The following ENG variants were observed in gnomAD, a reference collection of about 807,000 sequenced individuals.
ENG encodes CD105 antigen.
Under a neutral mutation model 71.0 loss-of-function variants are expected in ENG, and 17 were observed. The ratio of observed to expected loss-of-function variants is 0.24; its 90% CI spans 0.16 to 0.36. The LOEUF is 0.36. Ranked by LOEUF, ENG falls within the 10% of genes least tolerant of loss-of-function variation. The probability of loss-of-function intolerance (pLI) is 1.00; values close to 1 mark genes in which losing one functional copy is unlikely to be tolerated. For synonymous variants in ENG, 360 were observed against 366.9 expected (o/e 0.98, Z 0.21); for missense variants, 749 against 868.3 (o/e 0.86, Z 1.73).
intron 10 of ENG, chr9:127,819,228 C>T (rs1201571905): frequency 1.8e-5 from 6 of 324,694 alleles, no homozygotes; most frequent in African/African-American, 1.1e-4. Flanking sequence ...TGAGCCACTG[C>T]GCCCGGCCCT....
chr9:127,850,765 G>A (rs1394900922), intron 1 of ENG, among the ~76,000 whole-genome samples: 1 of 152,262 alleles, frequency 6.6e-6, no homozygotes, highest in Non-Finnish European at 1.5e-5. Flanking sequence ...GCCACGAGCC[G>A]CTGCAGCCTT....
intron 3 of ENG, chr9:127,826,914 C>G (rs1830632390): frequency 1.9e-6 from 1 of 538,508 alleles, no homozygotes; most frequent in African/African-American, 1.9e-5. Flanking sequence ...TCCACCTGTC[C>G]AAACATCACC....
At chr9:127,833,279 TG>T (rs1649933096) in intron 2 of ENG, among the ~76,000 whole-genome samples, 2 of 151,798 alleles carry the variant, frequency 1.3e-5, no homozygotes, top group African/African-American at 4.8e-5. Flanking sequence ...CCCAGCACTT[TG>T]GGAGGCTGAG....
At chr9:127,840,747 C>A (rs1831010784) in intron 2 of ENG, among the ~76,000 whole-genome samples, 1 of 152,202 alleles carries the variant, frequency 6.6e-6, no homozygotes, top group Non-Finnish European at 1.5e-5. Context: ...CTACCACCTC[C>A]TCAAATGAAC....
At chr9:127,833,949 T>C (rs1588589507) in intron 2 of ENG, among the ~76,000 whole-genome samples, 1 of 152,266 alleles carries the variant, frequency 6.6e-6, no homozygotes, top group East Asian at 1.9e-4. Flanking sequence ...TTGTTTCCTT[T>C]TTTTAGGCTC....
rs373626892 is a variant in ENG at position 127,818,940 on chromosome 9, C to CT, written c.1312-109dup. ...TGGCCCTGTGGAGTTGCCTGACTCTCTTTTTTTTTTTTTTTGAGACGGAGT... is the reference window on the plus strand; with the variant it reads ...TGGCCCTGTGGAGTTGCCTGACTCTCTTTTTTTTTTTTTTTTGAGACGGAGT... On this transcript the variant is annotated intron_variant, in intron 10 of 14. Transcript: ENST00000373203. 0.11 allele frequency: 75,170 copies of CT among 662,236 alleles called. 902 individuals are homozygous for CT. Among genetic ancestry groups the CT allele is most frequent in the African/African-American group, 0.2 (10,189 of 50,908 alleles). The allele number at this position is 662,236 out of a possible 1,614,324, so 41.0% of individuals were successfully genotyped here. A position where few individuals can be genotyped will look rare whatever the true frequency, so the allele number is the denominator to read the frequency against.
At chr9:127,837,465 T>G (rs1157189897) in intron 2 of ENG, among the ~76,000 whole-genome samples, 1 of 152,162 alleles carries the variant, frequency 6.6e-6, no homozygotes, top group African/African-American at 2.4e-5. Flanking sequence ...ACCTCCAGCC[T>G]TTCTGGTGGT....
chr9:127,837,098 T>G (rs1347615579), intron 2 of ENG, among the ~76,000 whole-genome samples: 2 of 152,188 alleles, frequency 1.3e-5, no homozygotes, highest in African/African-American at 4.8e-5. Flanking sequence ...TGGTTGGCTT[T>G]TTAATCCCTC....
chr9:127,847,732 G>A (rs1166366918), intron 1 of ENG, among the ~76,000 whole-genome samples: 3 of 152,028 alleles, frequency 2.0e-5, no homozygotes, highest in African/African-American at 7.3e-5. Context: ...TTTCAACAAG[G>A]GTCCTTCTTG....
intron 1 of ENG, among the ~76,000 whole-genome samples, chr9:127,844,006 G>T (rs1481854597): frequency 6.7e-6 from 1 of 149,842 alleles, no homozygotes; most frequent in Non-Finnish European, 1.5e-5. Context: ...CCTGGCCTCA[G>T]GTGATCTGCC....
intron 3 of ENG, among the ~76,000 whole-genome samples, chr9:127,829,051 G>C (rs1339578236): frequency 9.2e-5 from 14 of 152,070 alleles, no homozygotes; most frequent in African/African-American, 3.4e-4. Flanking sequence ...TCCTCTCTCT[G>C]GTGGATATAG....
rs41322645 is a variant in ENG at position 127,847,450 on chromosome 9, C to T, written c.68-4205G>A. Among the ~76,000 whole-genome samples, 546 of 152,068 alleles carry T rather than the reference C, an allele frequency of 3.6e-3. 2 individuals are homozygous for T. Among genetic ancestry groups the T allele is most frequent in the African/African-American group, 0.012 (518 of 41,464 alleles). On this transcript the variant is annotated intron_variant, in intron 1 of 14. Transcript: ENST00000373203. ...ATACTAGGACAGATACTTTTCTTCC[C>T]GCTGCCACCCCCCCTTTTCTTTTCT...
At position 127,843,155 on chromosome 9, in the gene ENG, C is replaced by T. The variant is rs187643086; in HGVS notation, c.158G>A (p.Cys53Tyr). 46 of 1,614,264 alleles carry T rather than the reference C, an allele frequency of 2.8e-5. No individual in the cohort carries two copies. The highest frequency in any genetic ancestry group is 5.1e-6 in the Non-Finnish European group (6 of 1,180,052). ...TYTTSQVSKG[C>Y]VAQAPNAILE... ...GATGGCATTGGGGGCCTGAGCCACG[C>T]AGCCCTTCGAGACCTGGCTAGTGGT... Residue 53 changes from cysteine to tyrosine, a missense_variant, in exon 2 of 15, where the codon TGC becomes TAC. Cys to Tyr is a radical substitution (Grantham distance 194). Transcript: ENST00000373203.
chr9:127,848,468 G>A (rs1360169155), intron 1 of ENG, among the ~76,000 whole-genome samples: 1 of 152,128 alleles, frequency 6.6e-6, no homozygotes, highest in African/African-American at 2.4e-5. Context: ...AATATTTGTG[G>A]AGAAAGAGTC....
intron 13 of ENG, 88 bp downstream of exon 13, chr9:127,817,061 T>C: frequency 6.7e-7 from 1 of 1,483,554 alleles, no homozygotes; most frequent in Non-Finnish European, 9.4e-7. Context: ...ATGTGCTATG[T>C]GCCCAGGCCG....
intron 8 of ENG, among the ~76,000 whole-genome samples, chr9:127,821,724 A>T (rs1830470174): frequency 6.6e-6 from 1 of 151,410 alleles, no homozygotes; most frequent in South Asian, 2.1e-4. Flanking sequence ...AAAAAAAAAA[A>T]TACAAAAAAT....
intron 10 of ENG, chr9:127,819,348 A>G (rs748506955): frequency 2.1e-6 from 1 of 481,486 alleles, no homozygotes; most frequent in Non-Finnish European, 3.8e-6. Flanking sequence ...TGTGGCGCAG[A>G]GTCCTTTCTT....
At chr9:127,853,337 C>T (rs902955891) in intron 1 of ENG, among the ~76,000 whole-genome samples, 4 of 152,152 alleles carry the variant, frequency 2.6e-5, no homozygotes, top group Non-Finnish European at 5.9e-5. Context: ...ATTTCTGCCC[C>T]TCTTCCCCCA....
rs539287539 is a variant in ENG, at chr9:127,849,765, C to T, written c.67+4524G>A. Among the ~76,000 whole-genome samples, 20 of 152,314 alleles carry T rather than the reference C, an allele frequency of 1.3e-4. No homozygotes were observed. The South Asian group carries it at 3.5e-3, about 27-fold the overall frequency. ...CCCCATCCTCTCCACTGTGGCAGCA[C>T]ACTGCAGTGCTTAGGCCCAGGGCTT... On this transcript the variant is annotated intron_variant, in intron 1 of 14. Transcript: ENST00000373203.
Sources: allele counts gnomAD v4.1 joint callset (sites outside exome capture counted in the v4.1 genomes callset), GRCh38; gene constraint gnomAD v4.1.1; transcripts MANE v1.5; gene names NCBI Gene and HGNC (gene_info 2026-07-23, HGNC 2026-07-21).